Variants in ZFP69 observed in about 807,000 individuals in gnomAD.
ZFP69 encodes zinc finger protein 69 homolog.
Under a neutral mutation model 48.9 loss-of-function variants are expected in ZFP69, and 35 were observed. The observed-to-expected ratio is 0.72, with a 90% CI of 0.55 to 0.95. The LOEUF (loss-of-function observed/expected upper bound fraction) is 0.95, where lower values mean the gene tolerates loss of function less well. Ranked by LOEUF, ZFP69 falls within the 40% of genes least tolerant of loss-of-function variation. The pLI is 0.00. For missense variants in ZFP69, 557 were observed against 638.4 expected (o/e 0.87, Z 1.37); for synonymous variants, 193 against 216.8 (o/e 0.89, Z 0.96).
At chr1:40,488,404 A>C (rs770691811) in intron 3 of ZFP69, among the ~76,000 whole-genome samples, 3 of 152,314 alleles carry the variant, frequency 2.0e-5, no homozygotes, top group Non-Finnish European at 2.9e-5. Flanking sequence ...ATTAGACTAC[A>C]GTTCCAGACA....
chr1:40,488,920 A>G (rs896764280), intron 3 of ZFP69, among the ~76,000 whole-genome samples, 168 bp from the exon 4 acceptor site: 1 of 152,192 alleles, frequency 6.6e-6, no homozygotes, highest in Non-Finnish European at 1.5e-5. Flanking sequence ...ACAGTTCCAG[A>G]CAGTTTTGTT....
chr1:40,480,937 C>T (rs1014682385), intron 2 of ZFP69, among the ~76,000 whole-genome samples: 2 of 152,136 alleles, frequency 1.3e-5, no homozygotes, highest in East Asian at 1.9e-4. Flanking sequence ...AGGGTTTCAT[C>T]GAAGTTTGTG....
In ZFP69 at chr1:40,495,525, C is replaced by G. The variant is rs778221924; in HGVS notation, c.1047C>G (p.His349Gln). 6.2e-7 allele frequency: 1 copy of G among 1,614,168 alleles called. No individual in the cohort carries two copies. The highest frequency in any genetic ancestry group is 2.2e-5 in the East Asian group (1 of 44,876). The stretch of plus-strand genomic sequence containing the variant: ...CACTTAATCAGCATCATAGAACTCA[C>G]ACTGGGGAGAAACCCTATGTATGTG... ...RSSLNQHHRT[H>Q]TGEKPYVCDK... Residue 349 changes from histidine (H) to glutamine (Q), a missense_variant, in exon 6 of 6, where the codon CAC (histidine) becomes CAG (glutamine). His to Gln is a conservative substitution (Grantham distance 24). Coordinates refer to ENST00000372706, the MANE Select transcript of ZFP69 (RefSeq NM_001320179.2).
chr1:40,480,905 T>C (rs1439737460), intron 2 of ZFP69, among the ~76,000 whole-genome samples: 6 of 152,186 alleles, frequency 3.9e-5, no homozygotes, highest in African/African-American at 1.4e-4. Context: ...CAATTCACAA[T>C]ATCAAGAAGA....
At position 40,494,265 on chromosome 1, in the gene ZFP69, T is replaced by A. The variant is rs1457414897; in HGVS notation, c.443-656T>A. 3.0e-3 allele frequency among the ~76,000 whole-genome samples: 267 copies of A among 89,702 alleles called. 2 individuals carry two copies. Among genetic ancestry groups the A allele is most frequent in the Non-Finnish European group, 5.1e-3 (198 of 38,718 alleles). The allele number at this position is 89,702 out of a possible 152,430, so 58.8% of individuals were successfully genotyped here. On this transcript the variant is annotated intron_variant, in intron 5 of 5. Transcript: ENST00000372706. ...GACTAAAAGATTCAAAATTTTTTTT[T>A]TTTTTTTTTTTTTTTTTTTTTGAGA...
intron 5 of ZFP69, among the ~76,000 whole-genome samples, chr1:40,490,625 T>C (rs149584284): frequency 5.4e-4 from 82 of 152,326 alleles, no homozygotes; most frequent in African/African-American, 1.9e-3. Context: ...TATGTGGTAT[T>C]TTCACAGAAA....
At chr1:40,493,338 G>A (rs1196754860) in intron 5 of ZFP69, 1 of 151,512 alleles carries the variant, frequency 6.6e-6, no homozygotes, top group Non-Finnish European at 1.5e-5. Context: ...ATCACTCTTT[G>A]TATATTTTCC....
rs1645618365 is a variant in ZFP69 at position 40,495,244 on chromosome 1, T to G, written c.766T>G (p.Leu256Val). ...DTPTKRNTYK[L>V]DLINHPTSYI... Reference sequence around the variant, plus strand: ...ACCTACAAAGCGGAACACATACAAATTAGATTTGATTAATCATCCAACAAG... The same window carrying G: ...ACCTACAAAGCGGAACACATACAAAGTAGATTTGATTAATCATCCAACAAG... Residue 256 changes from leucine to valine, a missense_variant, in exon 6 of 6, where the codon TTA becomes GTA. Transcript: ENST00000372706. 1 of 1,614,056 alleles carries G rather than the reference T, an allele frequency of 6.2e-7. No homozygotes were observed.
At chr1:40,490,526 T>A (rs191741050) in intron 5 of ZFP69, among the ~76,000 whole-genome samples, 81 of 152,278 alleles carry the variant, frequency 5.3e-4, no homozygotes, top group African/African-American at 1.9e-3. Flanking sequence ...GAAAGAGCAG[T>A]CTTGTCCTCA....
Position 40,496,089 on chromosome 1 carries a change from C to T in ZFP69, c.*30C>T, listed in dbSNP as rs1334261394. On this transcript the variant is annotated 3_prime_UTR_variant, in exon 6 of 6. Coordinates refer to ENST00000372706, the MANE Select transcript of ZFP69 (RefSeq NM_001320179.2). Reference sequence around the variant, plus strand: ...AGATATTTGACTTGAGAACAAAAGCCAAGTGTAAATTGGTGATTTAGAGTG... The same window carrying T: ...AGATATTTGACTTGAGAACAAAAGCTAAGTGTAAATTGGTGATTTAGAGTG... The T allele has an allele frequency of 6.5e-7, 1 of 1,530,318 alleles. No individual in the cohort carries two copies. The highest frequency in any genetic ancestry group is 8.8e-7 in the Non-Finnish European group (1 of 1,141,982). The allele number at this position is 1,530,318 out of a possible 1,614,324, so 94.8% of individuals were successfully genotyped here.
chr1:40,485,091 C>T (rs1645482490), intron 3 of ZFP69, among the ~76,000 whole-genome samples: 1 of 151,478 alleles, frequency 6.6e-6, no homozygotes, highest in African/African-American at 2.4e-5. Context: ...CTGGGTTTTG[C>T]CATGGTGGCC....
Position 40,495,257 on chromosome 1 carries a change from A to G in ZFP69, c.779A>G (p.Asn260Ser). Reference sequence around the variant, plus strand: ...AACACATACAAATTAGATTTGATTAATCATCCAACAAGTTACATAAGAACA... The same window carrying G: ...AACACATACAAATTAGATTTGATTAGTCATCCAACAAGTTACATAAGAACA... Reference protein sequence around the residue: ...KRNTYKLDLINHPTSYIRTKT... With the variant: ...KRNTYKLDLISHPTSYIRTKT... Residue 260 changes from asparagine (N) to serine (S), a missense_variant, in exon 6 of 6, where the codon AAT becomes AGT. Transcript: ENST00000372706. 1 of 1,614,052 alleles carries G rather than the reference A, an allele frequency of 6.2e-7. No homozygotes were observed. The highest frequency in any genetic ancestry group is 8.5e-7 in the Non-Finnish European group (1 of 1,180,010).
chr1:40,481,838 C>A lies in ZFP69; in HGVS notation c.203C>A (p.Pro68Gln). The A allele has an allele frequency of 1.2e-6, 2 of 1,612,178 alleles. No individual in the cohort carries two copies. The highest frequency in any genetic ancestry group is 1.1e-5 in the South Asian group (1 of 90,892). Residue 68 changes from proline to glutamine, a missense_variant, in exon 3 of 6, where the codon CCG becomes CAG. Pro to Gln is a moderately conservative substitution (Grantham distance 76). Coordinates refer to ENST00000372706, the MANE Select transcript of ZFP69 (RefSeq NM_001320179.2). ...GAGGATGAAGTGACCCCTGGACTCCCGACAGCAGAATCCCAGGTGAGTAGG... is the reference window on the plus strand; with the variant it reads ...GAGGATGAAGTGACCCCTGGACTCCAGACAGCAGAATCCCAGGTGAGTAGG... ...SLEDEVTPGL[P>Q]TAESQELLTF... is the part of the protein sequence containing the mutation.
chr1:40,490,043 T>C (rs1361951956), intron 5 of ZFP69, among the ~76,000 whole-genome samples: 1 of 152,008 alleles, frequency 6.6e-6, no homozygotes, highest in Admixed American at 6.6e-5. Context: ...CTAATTTTTG[T>C]ATTTTTAGTA....
intron 3 of ZFP69, among the ~76,000 whole-genome samples, chr1:40,485,312 A>G (rs1309301231): frequency 3.3e-5 from 5 of 151,976 alleles, no homozygotes; most frequent in South Asian, 2.1e-4. Flanking sequence ...AACATTACAC[A>G]TGTTACAAAA....
In ZFP69 at chr1:40,494,737, AT is replaced by A. The variant is rs574915975; in HGVS notation, c.443-183del. On this transcript the variant is annotated intron_variant, in intron 5 of 5. Transcript: ENST00000372706. ...AAATATATATCAAATATATATATAT[AT>A]ATAAAATGACACTTTTAACCTGTTC... Among the ~76,000 whole-genome samples, 374 of 147,028 alleles carry A rather than the reference AT, an allele frequency of 2.5e-3. 1 individual carries two copies. Among genetic ancestry groups the A allele is most frequent in the African/African-American group, 8.6e-3 (347 of 40,180 alleles).
rs188435675 is a variant in ZFP69, at chr1:40,487,255, C to T, written c.220-1833C>T. On this transcript the variant is annotated intron_variant, in intron 3 of 5. Transcript: ENST00000372706. ...GATTCTTGAGCAGCGCAGGTTTGAA[C>T]TGTGCAGGTCCACTTCTATATAGAC... 9.4e-4 allele frequency among the ~76,000 whole-genome samples: 143 copies of T among 152,244 alleles called. 2 individuals carry two copies. Among genetic ancestry groups the T allele is most frequent in the African/African-American group, 3.3e-3 (137 of 41,548 alleles).
In ZFP69 at chr1:40,495,050, T is replaced by C; in HGVS notation, c.572T>C (p.Val191Ala). 6.2e-7 allele frequency: 1 copy of C among 1,614,022 alleles called. No individual in the cohort carries two copies. The change falls in exon 6 of 6, where the codon GTC (valine) becomes GCC (alanine). Residue 191 changes from valine to alanine, a missense_variant. Physicochemically the swap from Val to Ala is moderately conservative, Grantham distance 64. Coordinates refer to ENST00000372706, the MANE Select transcript of ZFP69 (RefSeq NM_001320179.2). Reference sequence around the variant, plus strand: ...ATAATTTATTCCACGTTGAGAAAAGTCTCCACATATGATGATGTCTTAGAA... The same window carrying C: ...ATAATTTATTCCACGTTGAGAAAAGCCTCCACATATGATGATGTCTTAGAA... ...DDIIYSTLRK[V>A]STYDDVLERH...
chr1:40,494,255 AATTTT>A lies in ZFP69; in HGVS notation c.443-665_443-661del, dbSNP rs1207014189. Among the ~76,000 whole-genome samples the A allele has an allele frequency of 4.6e-3, 571 of 123,830 alleles. 43 individuals are homozygous for A. Among genetic ancestry groups the A allele is most frequent in the East Asian group, 0.022 (95 of 4,316 alleles). The allele number at this position is 123,830 out of a possible 152,430, so 81.2% of individuals were successfully genotyped here. A position where few individuals can be genotyped will look rare whatever the true frequency, so the allele number is the denominator to read the frequency against. ...ATTAGAGCAGGACTAAAAGATTCAA[AATTTT>A]TTTTTTTTTTTTTTTTTTTTTTTTT... is the stretch of plus-strand genomic sequence containing the variant. On this transcript the variant is annotated intron_variant, in intron 5 of 5. Transcript: ENST00000372706.
Sources: gnomAD v4.1 joint callset for allele counts (sites outside exome capture counted in the v4.1 genomes callset) on GRCh38, gnomAD v4.1.1 for gene constraint, MANE v1.5 for transcripts, NCBI Gene and HGNC (gene_info 2026-07-23, HGNC 2026-07-21) for gene names.